MARCHF1: variants seen among roughly 807,000 people sequenced by gnomAD.
MARCHF1 encodes membrane associated ring-CH-type finger 1, also known as E3 ubiquitin-protein ligase MARCHF1.
MARCHF1 carries 40 observed loss-of-function variants against 54.2 expected under a neutral mutation model. That is an observed-to-expected ratio of 0.74 (90% CI 0.57 to 0.96). The LOEUF (loss-of-function observed/expected upper bound fraction) is 0.96, where lower values mean the gene tolerates loss of function less well. Among genes scored for constraint, MARCHF1 ranks in the 40% least tolerant of loss-of-function variants. MARCHF1 has a pLI of 0.00. For missense variants in MARCHF1, 586 were observed against 656.5 expected (o/e 0.89, Z 1.17); for synonymous variants, 236 against 236.3 (o/e 1.00, Z 0.01).
rs773058905 is a variant in MARCHF1 at position 164,202,362 on chromosome 4, C to T, written c.-322-90700G>A. 5.1e-4 allele frequency among the ~76,000 whole-genome samples: 77 copies of T among 152,102 alleles called. 2 individuals carry two copies. The highest frequency in any genetic ancestry group is 3.9e-4 in the Admixed American group (6 of 15,262). ...ATGAACCATAAAATGTTCCATATGA[C>T]TGTATCTTAGAGTGTAAGGGGCAAA... On this transcript the variant is annotated intron_variant, in intron 1 of 9. Coordinates refer to ENST00000514618, the MANE Select transcript of MARCHF1 (RefSeq NM_001394959.1).
chr4:163,763,709 G>A (rs948291664), intron 4 of MARCHF1, among the ~76,000 whole-genome samples: 9 of 152,018 alleles, frequency 5.9e-5, no homozygotes, highest in South Asian at 2.1e-4. Context: ...GTTATGTACC[G>A]TATAGCAATG....
chr4:163,661,606 A>G (rs1482565932), intron 5 of MARCHF1, among the ~76,000 whole-genome samples: 2 of 152,086 alleles, frequency 1.3e-5, no homozygotes, highest in Admixed American at 6.6e-5. Flanking sequence ...AAAGTTTTTA[A>G]TAGCTTTATT....
intron 3 of MARCHF1, among the ~76,000 whole-genome samples, chr4:163,942,638 C>T (rs1033164434): frequency 2.0e-5 from 3 of 152,234 alleles, no homozygotes. Context: ...TAGAATATAG[C>T]ATGATAAGAG....
intron 1 of MARCHF1, among the ~76,000 whole-genome samples, chr4:164,329,601 G>T (rs1735372837): frequency 6.6e-6 from 1 of 152,132 alleles, no homozygotes; most frequent in African/African-American, 2.4e-5. Flanking sequence ...ACGTTTAATT[G>T]GCTCACAGTT....
intron 4 of MARCHF1, among the ~76,000 whole-genome samples, chr4:163,738,054 G>T: frequency 6.6e-6 from 1 of 152,178 alleles, no homozygotes; most frequent in South Asian, 2.1e-4. Context: ...GCGTTGAAGA[G>T]GACATGGTAG....
chr4:163,957,333 G>A (rs1311346817), intron 3 of MARCHF1, among the ~76,000 whole-genome samples: 3 of 151,924 alleles, frequency 2.0e-5, no homozygotes, highest in African/African-American at 7.2e-5. Flanking sequence ...GTTTCTTATG[G>A]TTAAGTCCAT....
chr4:164,059,887 A>G lies in MARCHF1; in HGVS notation c.-248+51701T>C, dbSNP rs1327865868. On this transcript the variant is annotated intron_variant, in intron 2 of 9. Transcript: ENST00000514618. ...AGGTAGATAAAATTGAGAAAACAAA[A>G]TATTTTTGCAAACCATTTGTAGTTT... is the stretch of plus-strand genomic sequence containing the variant. 2.0e-5 allele frequency among the ~76,000 whole-genome samples: 3 copies of G among 152,126 alleles called. No homozygotes were observed. The South Asian group carries it at 6.2e-4, about 31-fold the overall frequency.
chr4:164,023,521 A>G (rs993683474), intron 2 of MARCHF1, among the ~76,000 whole-genome samples: 1 of 152,204 alleles, frequency 6.6e-6, no homozygotes, highest in African/African-American at 2.4e-5. Context: ...CTATAAATAA[A>G]TAAAATAAAA....
intron 1 of MARCHF1, among the ~76,000 whole-genome samples, chr4:164,240,732 A>C (rs1211191175): frequency 6.6e-6 from 1 of 152,114 alleles, no homozygotes; most frequent in Non-Finnish European, 1.5e-5. Context: ...GGACAAACTG[A>C]CTATGGGAAA....
intron 3 of MARCHF1, among the ~76,000 whole-genome samples, chr4:163,920,583 T>C (rs1751407565): frequency 6.6e-6 from 1 of 152,150 alleles, no homozygotes; most frequent in African/African-American, 2.4e-5. Context: ...ACTATAGCCC[T>C]GGTGTTCCTC....
chr4:163,887,744 T>A (rs1429294019), intron 3 of MARCHF1, among the ~76,000 whole-genome samples: 1 of 152,150 alleles, frequency 6.6e-6, no homozygotes, highest in Non-Finnish European at 1.5e-5. Context: ...AAACACTAAA[T>A]TTTGAAGTCA....
intron 4 of MARCHF1, among the ~76,000 whole-genome samples, chr4:163,722,170 G>C (rs1745491769): frequency 6.6e-6 from 1 of 152,034 alleles, no homozygotes; most frequent in Non-Finnish European, 1.5e-5. Context: ...GGCATTTAGT[G>C]CTATAAATTT....
intron 3 of MARCHF1, among the ~76,000 whole-genome samples, chr4:163,871,653 A>G (rs1306754227): frequency 6.6e-6 from 1 of 152,114 alleles, no homozygotes; most frequent in East Asian, 1.9e-4. Context: ...TATGTATATG[A>G]CTCTATGATA....
chr4:164,158,127 T>A (rs561631809), intron 1 of MARCHF1, among the ~76,000 whole-genome samples: 9 of 152,288 alleles, frequency 5.9e-5, no homozygotes, highest in Admixed American at 3.3e-4. Flanking sequence ...GTTCTTATAT[T>A]TTTTTAAAAA....
intron 7 of MARCHF1, among the ~76,000 whole-genome samples, chr4:163,596,705 A>G (rs1030776671): frequency 2.0e-5 from 3 of 152,180 alleles, no homozygotes; most frequent in African/African-American, 7.2e-5. Flanking sequence ...AAGTAGTCCA[A>G]ACTTTCTCAG....
At chr4:164,196,120 A>G (rs1731248765) in intron 1 of MARCHF1, among the ~76,000 whole-genome samples, 2 of 152,106 alleles carry the variant, frequency 1.3e-5, no homozygotes, top group African/African-American at 4.8e-5. Flanking sequence ...AGTTTCATTC[A>G]TGTTATTTGA....
intron 5 of MARCHF1, among the ~76,000 whole-genome samples, chr4:163,686,541 C>T (rs1054243551): frequency 6.7e-6 from 1 of 150,214 alleles, no homozygotes; most frequent in Non-Finnish European, 1.5e-5. Flanking sequence ...CTTCAAATCT[C>T]CTTTAACTAC....
intron 3 of MARCHF1, among the ~76,000 whole-genome samples, chr4:163,982,596 C>G (rs1752785116): frequency 6.6e-6 from 1 of 152,186 alleles, no homozygotes; most frequent in South Asian, 2.1e-4. Flanking sequence ...GGACATATAT[C>G]AAATCACTTC....
intron 1 of MARCHF1, among the ~76,000 whole-genome samples, chr4:164,214,841 C>T (rs1225423064): frequency 6.6e-6 from 1 of 152,180 alleles, no homozygotes; most frequent in African/African-American, 2.4e-5. Flanking sequence ...TCCCCATTTC[C>T]ATCTGACACT....
Sources: gnomAD v4.1 joint callset for allele counts (sites outside exome capture counted in the v4.1 genomes callset) on GRCh38, gnomAD v4.1.1 for gene constraint, MANE v1.5 for transcripts, NCBI Gene and HGNC (gene_info 2026-07-23, HGNC 2026-07-21) for gene names.